The following QKI variants were observed in gnomAD, a reference collection of about 807,000 sequenced individuals.
QKI encodes the protein KH domain-containing RNA-binding protein QKI.
Under a neutral mutation model 39.0 loss-of-function variants are expected in QKI, and 10 were observed. The ratio of observed to expected loss-of-function variants is 0.26; its 90% CI spans 0.16 to 0.43. The LOEUF (loss-of-function observed/expected upper bound fraction) is 0.43, where lower values mean the gene tolerates loss of function less well. Among genes scored for constraint, QKI ranks in the 20% least tolerant of loss-of-function variants. QKI has a pLI of 1.00. For synonymous variants in QKI, 204 were observed against 155.4 expected (o/e 1.31, Z -2.33); for missense variants, 218 against 428.0 (o/e 0.51, Z 4.33).
At chr6:163,553,163 G>A (rs1234170581) in intron 4 of QKI, among the ~76,000 whole-genome samples, 5 of 150,400 alleles carry the variant, frequency 3.3e-5, no homozygotes, top group African/African-American at 1.2e-4. Flanking sequence ...GAGTGCAATG[G>A]CACGATCTCG....
At chr6:163,444,813 TTA>T (rs1161272754) in intron 1 of QKI, among the ~76,000 whole-genome samples, 14 of 152,168 alleles carry the variant, frequency 9.2e-5, no homozygotes, top group Non-Finnish European at 1.9e-4. Context: ...TCAGTTTTCT[TTA>T]TCTTTTTTCA....
chr6:163,527,522 G>A (rs1250243612), intron 3 of QKI, among the ~76,000 whole-genome samples: 1 of 152,060 alleles, frequency 6.6e-6, no homozygotes, highest in East Asian at 1.9e-4. Flanking sequence ...GACTACAAAT[G>A]CATAATTAAG....
intron 7 of QKI, chr6:163,569,128 T>C (rs1324559900): frequency 1.1e-6 from 1 of 931,552 alleles, no homozygotes; most frequent in Non-Finnish European, 1.3e-6. Context: ...TGAAGTAGTA[T>C]GACTACATCA....
At chr6:163,462,558 T>C (rs969599774) in intron 2 of QKI, among the ~76,000 whole-genome samples, 1 of 152,184 alleles carries the variant, frequency 6.6e-6, no homozygotes, top group Non-Finnish European at 1.5e-5. Flanking sequence ...ACTTTTAAGA[T>C]TGCATATAAA....
intron 2 of QKI, among the ~76,000 whole-genome samples, chr6:163,460,406 T>C (rs1007261774): frequency 1.3e-5 from 2 of 152,190 alleles, no homozygotes; most frequent in Admixed American, 6.5e-5. Context: ...CTATAGTTAG[T>C]AGTTTAGATT....
chr6:163,446,016 G>C (rs934339188), intron 1 of QKI, among the ~76,000 whole-genome samples: 1 of 152,022 alleles, frequency 6.6e-6, no homozygotes, highest in African/African-American at 2.4e-5. Flanking sequence ...TTTTTCCTTA[G>C]TAATTAATAA....
intron 3 of QKI, among the ~76,000 whole-genome samples, chr6:163,521,559 G>T (rs1028345063): frequency 6.6e-6 from 1 of 152,122 alleles, no homozygotes; most frequent in African/African-American, 2.4e-5. Context: ...AACTCACTCT[G>T]TCGCCCAGGC....
chr6:163,492,921 T>C (rs1195072304), intron 3 of QKI, among the ~76,000 whole-genome samples: 1 of 152,140 alleles, frequency 6.6e-6, no homozygotes, highest in Non-Finnish European at 1.5e-5. Context: ...CTGAACCTCA[T>C]CTTTTATAAC....
chr6:163,510,039 A>G (rs1779338593), intron 3 of QKI, among the ~76,000 whole-genome samples: 1 of 151,664 alleles, frequency 6.6e-6, no homozygotes, highest in Admixed American at 6.6e-5. Flanking sequence ...ATATGTTGAA[A>G]CCCCATGTCT....
intron 2 of QKI, among the ~76,000 whole-genome samples, chr6:163,460,154 T>G (rs1791237505): frequency 6.6e-6 from 1 of 152,170 alleles, no homozygotes; most frequent in Non-Finnish European, 1.5e-5. Flanking sequence ...ACAGATTAGA[T>G]TGGTAAACTG....
chr6:163,525,366 C>T (rs1780435517), intron 3 of QKI, among the ~76,000 whole-genome samples: 1 of 148,314 alleles, frequency 6.7e-6, no homozygotes, highest in Admixed American at 6.8e-5. Flanking sequence ...CCCTTCCTTT[C>T]CTTTCTTTCT....
intron 3 of QKI, among the ~76,000 whole-genome samples, chr6:163,503,471 C>T (rs962497169): frequency 1.3e-5 from 2 of 151,654 alleles, no homozygotes; most frequent in Non-Finnish European, 2.9e-5. Flanking sequence ...ATATTAGACC[C>T]TTGTTGGATG....
chr6:163,527,181 G>T (rs1303160060), intron 3 of QKI, among the ~76,000 whole-genome samples: 1 of 152,086 alleles, frequency 6.6e-6, no homozygotes, highest in Non-Finnish European at 1.5e-5. Flanking sequence ...TGTAGTTTTT[G>T]TTGGACTCAC....
intron 2 of QKI, among the ~76,000 whole-genome samples, chr6:163,468,373 C>T (rs1341998059): frequency 6.6e-6 from 1 of 152,190 alleles, no homozygotes; most frequent in African/African-American, 2.4e-5. Flanking sequence ...TACACTTTAT[C>T]AGTTCTTAGA....
intron 3 of QKI, among the ~76,000 whole-genome samples, chr6:163,517,478 C>G (rs1488865667): frequency 6.6e-6 from 1 of 151,412 alleles, no homozygotes; most frequent in East Asian, 2.0e-4. Flanking sequence ...AGTGCAGTGG[C>G]TTAATCTTGG....
intron 3 of QKI, among the ~76,000 whole-genome samples, chr6:163,533,967 A>G (rs985501010): frequency 6.6e-6 from 1 of 152,206 alleles, no homozygotes; most frequent in African/African-American, 2.4e-5. Context: ...TTTTACTGGA[A>G]TCTAACAATT....
intron 2 of QKI, among the ~76,000 whole-genome samples, chr6:163,471,436 A>G (rs1583047243): frequency 2.0e-5 from 3 of 152,212 alleles, no homozygotes; most frequent in African/African-American, 7.2e-5. Context: ...ACCTAAATGC[A>G]TATTTGTACA....
intron 3 of QKI, among the ~76,000 whole-genome samples, chr6:163,492,711 A>G (rs532186069): frequency 6.6e-6 from 1 of 152,300 alleles, no homozygotes; most frequent in South Asian, 2.1e-4. Context: ...TGTAACTAAT[A>G]AGATTAATGT....
chr6:163,484,199 CTT>C (rs770147012), intron 3 of QKI, among the ~76,000 whole-genome samples: 6 of 141,222 alleles, frequency 4.2e-5, no homozygotes, highest in East Asian at 4.1e-4. Context: ...GTACATTAGC[CTT>C]TTTTTTTTTT....
Sources: gnomAD v4.1 joint callset for allele counts (sites outside exome capture counted in the v4.1 genomes callset) on GRCh38, gnomAD v4.1.1 for gene constraint, MANE v1.5 for transcripts, NCBI Gene and HGNC (gene_info 2026-07-23, HGNC 2026-07-21) for gene names.